Variants in PLCL1 observed in about 807,000 individuals in gnomAD.
The protein encoded by PLCL1 is phospholipase C like 1 (inactive), also known as inactive phospholipase C-like protein 1.
PLCL1 carries 41 observed loss-of-function variants against 84.4 expected under a neutral mutation model. The ratio of observed to expected loss-of-function variants is 0.49; its 90% confidence interval spans 0.38 to 0.63. The LOEUF (loss-of-function observed/expected upper bound fraction) is 0.63, where lower values mean the gene tolerates loss of function less well. Among genes scored for constraint, PLCL1 ranks in the 30% least tolerant of loss-of-function variants. The pLI is 0.00. For synonymous variants in PLCL1, 490 were observed against 488.3 expected (o/e 1.00, Z -0.05); for missense variants, 1,206 against 1,367.8 (o/e 0.88, Z 1.87).
At chr2:198,088,823 G>A (rs371296815) in intron 2 of PLCL1, 35 bp from the exon 3 acceptor site, 88 of 1,294,354 alleles carry the variant, frequency 6.8e-5, no homozygotes, top group Non-Finnish European at 7.3e-5. Context: ...GTGTCAGGTG[G>A]TCAGAAGTGT....
chr2:198,100,996 C>T (rs1032866613), intron 3 of PLCL1, among the ~76,000 whole-genome samples: 9 of 151,968 alleles, frequency 5.9e-5, no homozygotes, highest in Admixed American at 2.6e-4. Context: ...TGAATATGAC[C>T]TGGGACATAA....
At chr2:198,118,033 C>T (rs980610254) in intron 5 of PLCL1, among the ~76,000 whole-genome samples, 1 of 151,832 alleles carries the variant, frequency 6.6e-6, no homozygotes, top group African/African-American at 2.4e-5. Context: ...TTATTAAACC[C>T]TGCTTATTGT....
intron 4 of PLCL1, 145 bp from the exon 5 acceptor site, chr2:198,103,682 A>C (rs1352579185): frequency 3.9e-6 from 2 of 518,732 alleles, no homozygotes; most frequent in Admixed American, 7.7e-5. Context: ...GATGAACAGA[A>C]TGAAAAGGAT....
At chr2:198,144,949 T>C (rs1694482742) in intron 5 of PLCL1, among the ~76,000 whole-genome samples, 1 of 152,192 alleles carries the variant, frequency 6.6e-6, no homozygotes, top group Non-Finnish European at 1.5e-5. Flanking sequence ...CTCTACCACT[T>C]AGCAGCTGTA....
In PLCL1 at chr2:198,129,758, C is replaced by T. The variant is rs554260998; in HGVS notation, c.3106-17022C>T. ...CATCTCCTTCCTCTTTCTATCTCCT[C>T]GCCTACATAGTCAAACTTCTTAACA... On this transcript the variant is annotated intron_variant, in intron 5 of 5. Coordinates refer to ENST00000428675, the MANE Select transcript of PLCL1 (RefSeq NM_006226.4). Among the ~76,000 whole-genome samples the T allele has an allele frequency of 1.1e-3, 160 of 152,210 alleles. 1 individual carries two copies. Among genetic ancestry groups the T allele is most frequent in the African/African-American group, 3.6e-3 (148 of 41,540 alleles).
chr2:197,855,929 T>G (rs570773591), intron 1 of PLCL1, among the ~76,000 whole-genome samples: 1 of 152,282 alleles, frequency 6.6e-6, no homozygotes, highest in Admixed American at 6.5e-5. Context: ...CACCATAAAA[T>G]ATGTCACTTC....
intron 1 of PLCL1, among the ~76,000 whole-genome samples, chr2:198,026,689 G>A (rs1302929956): frequency 6.6e-6 from 1 of 152,174 alleles, no homozygotes; most frequent in East Asian, 1.9e-4. Flanking sequence ...ATTGGGCAAA[G>A]GACCTGAATA....
At chr2:197,883,723 G>A (rs1254852448) in intron 1 of PLCL1, among the ~76,000 whole-genome samples, 1 of 152,152 alleles carries the variant, frequency 6.6e-6, no homozygotes, top group Non-Finnish European at 1.5e-5. Flanking sequence ...AGTAAAAAAT[G>A]TATTGCCTTT....
intron 1 of PLCL1, among the ~76,000 whole-genome samples, chr2:198,022,664 T>A (rs1691166261): frequency 6.6e-6 from 1 of 151,988 alleles, no homozygotes; most frequent in South Asian, 2.1e-4. Context: ...ACAAAGAGAA[T>A]AAAATACCTA....
chr2:197,844,401 C>G (rs1406043974), intron 1 of PLCL1, among the ~76,000 whole-genome samples: 1 of 152,116 alleles, frequency 6.6e-6, no homozygotes, highest in Non-Finnish European at 1.5e-5. Context: ...TCTTTCCCTC[C>G]ACATAATATT....
At chr2:198,101,725 A>G (rs966838026) in intron 4 of PLCL1, among the ~76,000 whole-genome samples, 2 of 152,056 alleles carry the variant, frequency 1.3e-5, no homozygotes, top group African/African-American at 2.4e-5. Context: ...TACAATTGGA[A>G]CCAAAATCCT....
chr2:197,966,079 C>T (rs1220910544), intron 1 of PLCL1, among the ~76,000 whole-genome samples: 2 of 151,994 alleles, frequency 1.3e-5, no homozygotes, highest in African/African-American at 4.8e-5. Flanking sequence ...TCTGGGCATC[C>T]AGGAGATAGG....
intron 1 of PLCL1, among the ~76,000 whole-genome samples, chr2:197,859,814 A>G (rs777063776): frequency 6.6e-6 from 1 of 152,212 alleles, no homozygotes; most frequent in African/African-American, 2.4e-5. Flanking sequence ...AATACATTCT[A>G]TGATATAAGC....
intron 1 of PLCL1, among the ~76,000 whole-genome samples, chr2:198,064,646 C>T (rs1254290773): frequency 6.6e-6 from 1 of 152,076 alleles, no homozygotes; most frequent in Admixed American, 6.5e-5. Flanking sequence ...TTGTTATAGT[C>T]TTAGTATGTT....
chr2:197,972,135 T>TA (rs1388466510), intron 1 of PLCL1, among the ~76,000 whole-genome samples: 1 of 152,166 alleles, frequency 6.6e-6, no homozygotes, highest in Non-Finnish European at 1.5e-5. Context: ...TCTTCAGAAA[T>TA]AAAAAATGCT....
intron 5 of PLCL1, among the ~76,000 whole-genome samples, chr2:198,112,603 T>C (rs904585720): frequency 6.6e-6 from 1 of 151,938 alleles, no homozygotes; most frequent in Non-Finnish European, 1.5e-5. Context: ...TACAGCAGAA[T>C]CTATTCTGTG....
chr2:197,918,051 G>T (rs1237409920), intron 1 of PLCL1, among the ~76,000 whole-genome samples: 2 of 152,164 alleles, frequency 1.3e-5, no homozygotes, highest in Non-Finnish European at 2.9e-5. Context: ...ACAAAAACTA[G>T]CCAGGTGAGC....
intron 1 of PLCL1, among the ~76,000 whole-genome samples, chr2:197,970,966 G>T (rs2105797169): frequency 6.6e-6 from 1 of 152,294 alleles, no homozygotes; most frequent in Admixed American, 6.5e-5. Flanking sequence ...TCAGATAATT[G>T]AATATCATAT....
At position 197,843,100 on chromosome 2, in the gene PLCL1, G is replaced by A. The variant is rs147300478; in HGVS notation, c.240+37761G>A. Among the ~76,000 whole-genome samples, 930 of 152,236 alleles carry A rather than the reference G, an allele frequency of 6.1e-3. 3 individuals carry two copies. Among genetic ancestry groups the A allele is most frequent in the Non-Finnish European group, 0.011 (750 of 68,006 alleles). Reference sequence around the variant, plus strand: ...TCTGTGTGTTTTATCTTACACCAGGGATGGCAAATAGATTTCATCTTATAT... The same window carrying A: ...TCTGTGTGTTTTATCTTACACCAGGAATGGCAAATAGATTTCATCTTATAT... On this transcript the variant is annotated intron_variant, in intron 1 of 5. Coordinates refer to ENST00000428675, the MANE Select transcript of PLCL1 (RefSeq NM_006226.4).
Sources: gnomAD v4.1 joint callset for allele counts (sites outside exome capture counted in the v4.1 genomes callset) on GRCh38, gnomAD v4.1.1 for gene constraint, MANE v1.5 for transcripts, NCBI Gene and HGNC (gene_info 2026-07-23, HGNC 2026-07-21) for gene names.